NUDT17: variants seen among roughly 807,000 people sequenced by gnomAD.
NUDT17 encodes the protein nudix hydrolase 17.
NUDT17 carries 38 observed loss-of-function variants against 38.6 expected under a neutral mutation model. The observed-to-expected ratio is 0.98, with a 90% CI of 0.76 to 1.29. The LOEUF (loss-of-function observed/expected upper bound fraction) is 1.29. NUDT17 is among the 50% of genes most tolerant of loss of function. NUDT17 has a pLI of 0.00. For synonymous variants in NUDT17, 192 were observed against 167.8 expected (o/e 1.14, Z -1.11); for missense variants, 462 against 415.2 (o/e 1.11, Z -0.98).
rs1477284140 is a variant in NUDT17 at position 145,845,642 on chromosome 1, TG to T, written c.4del (p.Ala2?). [M>X]AEVRVQLLLS... is the part of the protein sequence containing the mutation. ...CCGCAGCGACTCCAGAGTCGCGTTATGGCCGAGGTGCGGGTGCAGCTGCTCC... is the reference window on the plus strand; with the variant it reads ...CCGCAGCGACTCCAGAGTCGCGTTATGCCGAGGTGCGGGTGCAGCTGCTCC... On this transcript the variant is annotated frameshift_variant and start_lost, in exon 1 of 8. Coordinates refer to ENST00000334513, the MANE Select transcript of NUDT17 (RefSeq NM_001012758.3). LOFTEE classifies it high-confidence loss of function. 10 of 1,514,416 alleles carry T rather than the reference TG, an allele frequency of 6.6e-6. No individual in the cohort carries two copies. The East Asian group carries it at 2.2e-4, about 34-fold the overall frequency. 93.8% of individuals were successfully genotyped at this position (1,514,416 alleles called of 1,614,324 possible).
chr1:145,848,014 ACCT>A lies in NUDT17; in HGVS notation c.732-94_732-92del, dbSNP rs1473262640. On this transcript the variant is annotated intron_variant, in intron 6 of 7. Transcript: ENST00000334513. ...CTGCAAATGAGGTCAACACCCACCC[ACCT>A]CCTGTGGTAGTTGGGAGGATTCGGG... 27 of 1,422,514 alleles carry A rather than the reference ACCT, an allele frequency of 1.9e-5. No individual in the cohort carries two copies. The South Asian group carries it at 3.3e-4, about 17-fold the overall frequency. The allele number at this position is 1,422,514 out of a possible 1,614,324, so 88.1% of individuals were successfully genotyped here. A position where few individuals can be genotyped will look rare whatever the true frequency, so the allele number is the denominator to read the frequency against.
chr1:145,848,368 C>A lies in NUDT17; in HGVS notation c.885-9C>A, dbSNP rs782202826. On this transcript the variant is annotated splice_polypyrimidine_tract_variant and intron_variant, in intron 7 of 7. Transcript: ENST00000334513. The stretch of plus-strand genomic sequence containing the variant: ...GGAAAGGACAACCTCTCTTGGAATT[C>A]CTCCACAGAACACCCCCACCGTGTA... 1.9e-6 allele frequency: 3 copies of A among 1,613,490 alleles called. No homozygotes were observed. Among genetic ancestry groups the A allele is most frequent in the Non-Finnish European group, 2.5e-6 (3 of 1,179,524 alleles).
At chr1:145,847,966 C>A in intron 6 of NUDT17, 146 bp from the exon 7 acceptor site, 1 of 924,510 alleles carries the variant, frequency 1.1e-6, no homozygotes, top group Non-Finnish European at 1.6e-6. Flanking sequence ...AGTCATTTAA[C>A]CCTCCTTGAA....
At position 145,848,151 on chromosome 1, in the gene NUDT17, G is replaced by A. The variant is rs782272816; in HGVS notation, c.771G>A (p.Leu257=). Residue 257 remains leucine (L), a synonymous_variant, in exon 7 of 8, where the codon CTG becomes CTA. Coordinates refer to ENST00000334513, the MANE Select transcript of NUDT17 (RefSeq NM_001012758.3). The part of the protein sequence containing the change: ...ELEEDGRARP[L]VLHMSTLLRM... ...AGGAGGATGGAAGAGCCCGACCTCT[G>A]GTCCTGCACATGTCCACCCTCCTGC... 8.7e-6 allele frequency: 14 copies of A among 1,613,996 alleles called. No homozygotes were observed. In the South Asian group the frequency reaches 1.5e-4, roughly 18 times the overall value.
At position 145,846,090 on chromosome 1, in the gene NUDT17, T is replaced by G. The variant is rs1553732345; in HGVS notation, c.270T>G (p.Gly90=). Residue 90 remains glycine (G), a synonymous_variant, in exon 2 of 8, where the codon GGT becomes GGG. Coordinates refer to ENST00000334513, the MANE Select transcript of NUDT17 (RefSeq NM_001012758.3). ...VPGAELPTDR[G]VDLGVAVILQ... ...GGGCTGAGCTGCCCACAGATCGAGG[T>G]GTGGACCTGGGTGTGGCCGTCATTC... The G allele has an allele frequency of 1.2e-6, 2 of 1,604,276 alleles. No homozygotes were observed. Among genetic ancestry groups the G allele is most frequent in the Non-Finnish European group, 1.7e-6 (2 of 1,176,110 alleles).
At chr1:145,845,855 G>C in intron 1 of NUDT17, 23 bp downstream of exon 1, 1 of 1,566,688 alleles carries the variant, frequency 6.4e-7, no homozygotes, top group Non-Finnish European at 8.7e-7. Context: ...GGGCCCCAGA[G>C]CGGGGGCAGT....
At position 145,845,830 on chromosome 1, in the gene NUDT17, C is replaced by T; in HGVS notation, c.190C>T (p.Gln64Ter). ...FPGASARLPL[Q>*]RPPFCPFAAL... ...AGGCGCCTCCGCTAGGCTTCCGCTC[C>T]AGGTCGGCAGAAGGGGGCCCCAGAG... Residue 64 changes from glutamine to a stop codon, truncating the protein, a stop_gained and splice_region_variant, in exon 1 of 8, where the codon CAG becomes TAG. Transcript: ENST00000334513. LOFTEE classifies it high-confidence loss of function. 1 of 1,591,838 alleles carries T rather than the reference C, an allele frequency of 6.3e-7. No individual in the cohort carries two copies. The highest frequency in any genetic ancestry group is 1.1e-5 in the South Asian group (1 of 87,714).
chr1:145,847,748 A>G (rs1416195123), intron 6 of NUDT17, 29 bp downstream of exon 6: 1 of 1,610,440 alleles, frequency 6.2e-7, no homozygotes, highest in Non-Finnish European at 8.5e-7. Context: ...CTCAGCCTCT[A>G]ATACACCAAC....
chr1:145,847,214 C>A, intron 4 of NUDT17, 36 bp from the exon 5 acceptor site: 1 of 1,187,258 alleles, frequency 8.4e-7, no homozygotes, highest in Non-Finnish European at 1.2e-6. Flanking sequence ...AAAAAAGTGA[C>A]GGAAAGTTCT....
chr1:145,848,703 G>A lies in NUDT17; in HGVS notation c.*224G>A. 2 of 513,766 alleles carry A rather than the reference G, an allele frequency of 3.9e-6. No homozygotes were observed. The highest frequency in any genetic ancestry group is 2.7e-5 in the South Asian group (1 of 37,724). 31.8% of individuals were successfully genotyped at this position (513,766 alleles called of 1,614,324 possible). ...GAGCCAGGCCTAACTACAGGGCCAT[G>A]AGCCTCTAGAAGCTTAGGGGGGAAT... On this transcript the variant is annotated 3_prime_UTR_variant, in exon 8 of 8. Transcript: ENST00000334513.
intron 2 of NUDT17, 47 bp downstream of exon 2, chr1:145,846,243 C>G: frequency 6.5e-7 from 1 of 1,534,822 alleles, no homozygotes. Flanking sequence ...AGAAATTTGC[C>G]CTTTCCCCGC....
intron 6 of NUDT17, 28 bp from the exon 7 acceptor site, chr1:145,848,084 A>C (rs1156413948): frequency 1.9e-6 from 3 of 1,612,202 alleles, no homozygotes; most frequent in Non-Finnish European, 2.5e-6. Context: ...TACAAGGCAC[A>C]GCCCCAACAG....
rs1559159640 is a variant in NUDT17, at chr1:145,847,294, TCA to T, written c.543_544del (p.Ile182CysfsTer25). The T allele has an allele frequency of 3.7e-6, 6 of 1,611,716 alleles. No homozygotes were observed. The highest frequency in any genetic ancestry group is 5.1e-6 in the Non-Finnish European group (6 of 1,178,962). On this transcript the variant is annotated frameshift_variant, in exon 5 of 8. Transcript: ENST00000334513. LOFTEE classifies it high-confidence loss of function. ...RLSWGLPKYHHIVLYLLVISQ... is the reference protein window; with the variant it reads ...RLSWGLPKYHXIVLYLLVISQ... ...TGAGCTGGGGTTTACCCAAATACCA[TCA>T]CATTGTTCTGTATCTACTCGTGATC...
chr1:145,845,714 G>A lies in NUDT17; in HGVS notation c.74G>A (p.Gly25Asp), dbSNP rs1475472951. Residue 25 changes from glycine (G) to aspartate (D), a missense_variant, in exon 1 of 8, where the codon GGC (glycine) becomes GAC (aspartate). Transcript: ENST00000334513. ...GTGAGCTTCGCACGGAGTGTGTGTGGCCTCCTGGGAGCCGGACCAGGGCTC... is the reference window on the plus strand; with the variant it reads ...GTGAGCTTCGCACGGAGTGTGTGTGACCTCCTGGGAGCCGGACCAGGGCTC... ...ESVSFARSVCGLLGAGPGLGT... is the reference protein window; with the variant it reads ...ESVSFARSVCDLLGAGPGLGT... 3 of 1,554,082 alleles carry A rather than the reference G, an allele frequency of 1.9e-6. No individual in the cohort carries two copies. The highest frequency in any genetic ancestry group is 2.6e-6 in the Non-Finnish European group (3 of 1,148,904).
At chr1:145,846,485 G>A in intron 3 of NUDT17, 27 bp downstream of exon 3, 1 of 1,610,966 alleles carries the variant, frequency 6.2e-7, no homozygotes, top group South Asian at 1.1e-5. Context: ...TCCAACCTGA[G>A]CCAAGAGACC....
Position 145,846,629 on chromosome 1 carries a change from A to G in NUDT17, c.434A>G (p.Glu145Gly). The G allele has an allele frequency of 4.3e-6, 7 of 1,614,116 alleles. No individual in the cohort carries two copies. Among genetic ancestry groups the G allele is most frequent in the Non-Finnish European group, 5.9e-6 (7 of 1,179,998 alleles). ...LLDGGLRELW[E>G]ESGLHLPQGQ... Reference sequence around the variant, plus strand: ...GACGGAGGGCTTCGAGAACTTTGGGAGGAGAGTGGACTACACCTGCCCCAG... The same window carrying G: ...GACGGAGGGCTTCGAGAACTTTGGGGGGAGAGTGGACTACACCTGCCCCAG... Residue 145 changes from glutamate to glycine, a missense_variant, in exon 4 of 8, where the codon GAG becomes GGG. Glu to Gly is a moderately conservative substitution (Grantham distance 98, BLOSUM62 -2). Coordinates refer to ENST00000334513, the MANE Select transcript of NUDT17 (RefSeq NM_001012758.3).
At position 145,847,639 on chromosome 1, in the gene NUDT17, T is replaced by A. The variant is rs782670840; in HGVS notation, c.651T>A (p.Asp217Glu). Residue 217 changes from aspartate to glutamate, a missense_variant, in exon 6 of 8, where the codon GAT (aspartate) becomes GAA (glutamate). Physicochemically the swap from Asp to Glu is conservative, Grantham distance 45. Transcript: ENST00000334513. ...EVSALMWLTP[D>E]VAAAVAAAED... Reference sequence around the variant, plus strand: ...GCGCCCTTATGTGGCTGACACCAGATGTAGCTGCTGCAGTGGCTGCCGCAG... The same window carrying A: ...GCGCCCTTATGTGGCTGACACCAGAAGTAGCTGCTGCAGTGGCTGCCGCAG... 18 of 1,613,978 alleles carry A rather than the reference T, an allele frequency of 1.1e-5. No individual in the cohort carries two copies. The highest frequency in any genetic ancestry group is 1.5e-5 in the Non-Finnish European group (18 of 1,179,976).
rs1553732013 is a variant in NUDT17 at position 145,845,672 on chromosome 1, C to T, written c.32C>T (p.Ser11Phe). 9.8e-6 allele frequency: 15 copies of T among 1,535,268 alleles called. No individual in the cohort carries two copies. The highest frequency in any genetic ancestry group is 1.2e-5 in the South Asian group (1 of 83,690). ...GAGGTGCGGGTGCAGCTGCTCCTGT[C>T]CCGGCGTCCGGAGTCGGTGAGCTTC... is the stretch of plus-strand genomic sequence containing the variant. MAEVRVQLLL[S>F]RRPESVSFAR... The change falls in exon 1 of 8, where the codon TCC becomes TTC. Residue 11 changes from serine to phenylalanine, a missense_variant. Coordinates refer to ENST00000334513, the MANE Select transcript of NUDT17 (RefSeq NM_001012758.3).
In NUDT17 at chr1:145,848,721, G is replaced by A. The variant is rs782066467; in HGVS notation, c.*242G>A. 4 of 424,536 alleles carry A rather than the reference G, an allele frequency of 9.4e-6. No individual in the cohort carries two copies. The highest frequency in any genetic ancestry group is 5.6e-4 in the Middle Eastern group (1 of 1,780). The allele number at this position is 424,536 out of a possible 1,614,324, so 26.3% of individuals were successfully genotyped here. ...GGGCCATGAGCCTCTAGAAGCTTAG[G>A]GGGGAATAAGAAACACTGTGAACTT... is the stretch of plus-strand genomic sequence containing the variant. On this transcript the variant is annotated 3_prime_UTR_variant, in exon 8 of 8. Coordinates refer to ENST00000334513, the MANE Select transcript of NUDT17 (RefSeq NM_001012758.3).
Sources: gnomAD v4.1 joint callset for allele counts on GRCh38, gnomAD v4.1.1 for gene constraint, MANE v1.5 for transcripts, NCBI Gene and HGNC (gene_info 2026-07-23, HGNC 2026-07-21) for gene names.